ADGRG7: variants seen among roughly 807,000 people sequenced by gnomAD.
ADGRG7 encodes the protein G-protein coupled receptor 128.
ADGRG7 carries 82 observed loss-of-function variants against 88.6 expected under a neutral mutation model. The observed-to-expected ratio is 0.93, with a 90% CI of 0.77 to 1.11. ADGRG7 has a LOEUF of 1.11. Among genes scored for constraint, ADGRG7 ranks in the 50% most tolerant of loss-of-function variants. The pLI is 0.00. For synonymous variants in ADGRG7, 381 were observed against 345.2 expected, an observed-to-expected ratio of 1.10 and a Z score of -1.15; for missense variants, 945 against 953.4, an observed-to-expected ratio of 0.99 and a Z score of 0.12.
chr3:100,618,141 A>G (rs1344552222), intron 1 of ADGRG7, among the ~76,000 whole-genome samples: 1 of 152,130 alleles, frequency 6.6e-6, no homozygotes, highest in Non-Finnish European at 1.5e-5. Flanking sequence ...AGTAGATTGC[A>G]AAAATTTTCT....
chr3:100,663,811 A>G (rs2094948546), intron 14 of ADGRG7, among the ~76,000 whole-genome samples: 1 of 152,036 alleles, frequency 6.6e-6, no homozygotes, highest in Admixed American at 6.6e-5. Flanking sequence ...GGTTACTTAT[A>G]TATTTGTTTT....
intron 15 of ADGRG7, among the ~76,000 whole-genome samples, chr3:100,683,903 T>A (rs984022652): frequency 6.6e-5 from 10 of 152,248 alleles, no homozygotes; most frequent in African/African-American, 2.4e-4. Context: ...TTCCTTTTAT[T>A]CTATTTTTCT....
At chr3:100,633,229 T>C in intron 3 of ADGRG7, 36 bp from the exon 4 acceptor site, 1 of 1,011,832 alleles carries the variant, frequency 9.9e-7, no homozygotes, top group Non-Finnish European at 1.3e-6. Flanking sequence ...TTTTAATAAA[T>C]ACTTATTTTT....
chr3:100,686,972 G>C (rs2094983866), intron 15 of ADGRG7, among the ~76,000 whole-genome samples: 1 of 152,180 alleles, frequency 6.6e-6, no homozygotes, highest in Admixed American at 6.5e-5. Flanking sequence ...ACCTTGGGCA[G>C]TATGGCCATT....
At chr3:100,634,563 A>C (rs894690003) in intron 4 of ADGRG7, among the ~76,000 whole-genome samples, 1 of 152,174 alleles carries the variant, frequency 6.6e-6, no homozygotes, top group Non-Finnish European at 1.5e-5. Context: ...TTTAAAGTTC[A>C]CATTGTACTA....
At chr3:100,675,751 T>C (rs531900306) in intron 15 of ADGRG7, among the ~76,000 whole-genome samples, 5 of 152,274 alleles carry the variant, frequency 3.3e-5, no homozygotes, top group Admixed American at 6.5e-5. Flanking sequence ...TTTTCTTTGC[T>C]AGGAAACTTT....
chr3:100,612,875 A>T (rs1338043942), intron 1 of ADGRG7, among the ~76,000 whole-genome samples: 1 of 152,054 alleles, frequency 6.6e-6, no homozygotes, highest in Non-Finnish European at 1.5e-5. Flanking sequence ...CATAGCATTG[A>T]TAATTTTTGT....
At chr3:100,690,451 T>G (rs2094991331) in intron 15 of ADGRG7, among the ~76,000 whole-genome samples, 1 of 152,204 alleles carries the variant, frequency 6.6e-6, no homozygotes, top group Non-Finnish European at 1.5e-5. Context: ...GCTCTGATCT[T>G]TAGAGTTTCA....
chr3:100,685,772 CATT>C (rs1355473239), intron 15 of ADGRG7, among the ~76,000 whole-genome samples: 1 of 152,172 alleles, frequency 6.6e-6, no homozygotes, highest in Non-Finnish European at 1.5e-5. Context: ...TCCAGTCTAT[CATT>C]GTTGGACATT....
chr3:100,649,846 C>A, intron 11 of ADGRG7, 39 bp downstream of exon 11: 2 of 1,191,082 alleles, frequency 1.7e-6, no homozygotes, highest in Non-Finnish European at 2.5e-6. Context: ...AGAGAAATTG[C>A]TATCTTGATA....
intron 1 of ADGRG7, among the ~76,000 whole-genome samples, chr3:100,616,473 T>C (rs1275995994): frequency 6.6e-6 from 1 of 151,656 alleles, no homozygotes; most frequent in East Asian, 1.9e-4. Context: ...AAATAGAAAA[T>C]ATAGTAATGA....
At chr3:100,619,470 T>G (rs544142566) in intron 1 of ADGRG7, among the ~76,000 whole-genome samples, 4,452 of 152,028 alleles carry the variant, frequency 0.029, 216 homozygotes, top group African/African-American at 0.1. Context: ...GATCTAAAAT[T>G]GACACCCTAA....
chr3:100,639,678 C>T (rs958316184), intron 6 of ADGRG7, among the ~76,000 whole-genome samples: 2 of 152,058 alleles, frequency 1.3e-5, no homozygotes, highest in Non-Finnish European at 1.5e-5. Context: ...CAGATTCTTG[C>T]TAGACGGGAG....
rs138974516 is a variant in ADGRG7 at position 100,683,159 on chromosome 3, C to T, written c.2137-11585C>T. Among the ~76,000 whole-genome samples the T allele has an allele frequency of 5.3e-4, 81 of 152,292 alleles. 1 individual carries two copies. The highest frequency in any genetic ancestry group is 1.9e-3 in the African/African-American group (77 of 41,548). On this transcript the variant is annotated intron_variant, in intron 15 of 15. Coordinates refer to ENST00000273352, the MANE Select transcript of ADGRG7 (RefSeq NM_032787.3). ...CTCAGTAAAGCTCCTTTTCGTCCTG[C>T]TCACCCTCCACTTGTCTGCATACCT...
intron 5 of ADGRG7, among the ~76,000 whole-genome samples, chr3:100,636,042 A>G (rs1477527845): frequency 6.6e-6 from 1 of 152,068 alleles, no homozygotes; most frequent in Non-Finnish European, 1.5e-5. Flanking sequence ...GGATATTCCT[A>G]ATGATCATTA....
At chr3:100,668,086 G>A (rs1030822488) in intron 14 of ADGRG7, among the ~76,000 whole-genome samples, 9 of 152,160 alleles carry the variant, frequency 5.9e-5, no homozygotes, top group African/African-American at 9.7e-5. Flanking sequence ...ACCCCACCCT[G>A]CTTCAGCTCT....
intron 13 of ADGRG7, among the ~76,000 whole-genome samples, chr3:100,659,219 TCAGGAGATC>T (rs1438091390): frequency 1.3e-5 from 2 of 151,306 alleles, no homozygotes; most frequent in Non-Finnish European, 2.9e-5. Flanking sequence ...GATCACGAGG[TCAGGAGATC>T]GAGACCATCC....
chr3:100,686,736 T>A (rs530908925), intron 15 of ADGRG7, among the ~76,000 whole-genome samples: 1 of 152,210 alleles, frequency 6.6e-6, no homozygotes, highest in Non-Finnish European at 1.5e-5. Context: ...ATGGTCTATA[T>A]CTCTGTTTTG....
intron 5 of ADGRG7, among the ~76,000 whole-genome samples, chr3:100,636,110 A>C (rs1707536375): frequency 6.6e-6 from 1 of 152,188 alleles, no homozygotes; most frequent in Non-Finnish European, 1.5e-5. Context: ...GCTGGAGTGC[A>C]GTGGCACGAT....
Sources: allele counts gnomAD v4.1 joint callset (sites outside exome capture counted in the v4.1 genomes callset), GRCh38; gene constraint gnomAD v4.1.1; transcripts MANE v1.5; gene names NCBI Gene and HGNC (gene_info 2026-07-23, HGNC 2026-07-21).